GRB2: variants seen among roughly 807,000 people sequenced by gnomAD.
GRB2 encodes the protein growth factor receptor-bound protein 2.
A neutral mutation model predicts 27.4 loss-of-function variants in GRB2; 2 were observed. The ratio of observed to expected loss-of-function variants is 0.07; its 90% CI spans 0.03 to 0.23. GRB2 has a LOEUF of 0.23. GRB2 is among the 10% of genes least tolerant of loss of function. The pLI is 1.00. For synonymous variants in GRB2, 94 were observed against 99.6 expected (o/e 0.94, Z 0.33); for missense variants, 102 against 282.4 (o/e 0.36, Z 4.58).
At chr17:75,384,584 C>T (rs1441483387) in intron 2 of GRB2, among the ~76,000 whole-genome samples, 2 of 152,066 alleles carry the variant, frequency 1.3e-5, no homozygotes, top group East Asian at 1.9e-4. Context: ...GCAGGAGAAT[C>T]GCTTGAACCC....
At chr17:75,393,928 T>A in intron 1 of GRB2, 163 bp from the exon 2 acceptor site, 1 of 457,866 alleles carries the variant, frequency 2.2e-6, no homozygotes, top group Non-Finnish European at 3.9e-6. Flanking sequence ...CTTCTTCCTC[T>A]TTTCAGCCTC....
chr17:75,378,345 C>T (rs149233358), intron 2 of GRB2, among the ~76,000 whole-genome samples: 2,243 of 152,014 alleles, frequency 0.015, 25 homozygotes, highest in Middle Eastern at 0.024. Flanking sequence ...ATCTCGCCAC[C>T]GCATTTCAGC....
chr17:75,372,840 A>G (rs1206131579), intron 2 of GRB2: 3 of 152,252 alleles, frequency 2.0e-5, no homozygotes, highest in Non-Finnish European at 4.4e-5. Context: ...AACTTAAAAC[A>G]CTATCAATAC....
At chr17:75,333,353 G>C (rs2078554092) in intron 2 of GRB2, among the ~76,000 whole-genome samples, 1 of 152,152 alleles carries the variant, frequency 6.6e-6, no homozygotes, top group African/African-American at 2.4e-5. Context: ...TGGGATTATA[G>C]GTGTGAGCCA....
intron 2 of GRB2, among the ~76,000 whole-genome samples, chr17:75,355,073 G>A (rs2078722833): frequency 6.6e-6 from 1 of 152,186 alleles, no homozygotes; most frequent in Admixed American, 6.5e-5. Flanking sequence ...CTCCCAAAGT[G>A]CTGGGATTAC....
chr17:75,401,976 A>G (rs2079066961), intron 1 of GRB2, among the ~76,000 whole-genome samples: 1 of 152,238 alleles, frequency 6.6e-6, no homozygotes, highest in African/African-American at 2.4e-5. Context: ...CCATCTGCAT[A>G]GGCAGATATC....
chr17:75,367,219 A>G (rs1446353539), intron 2 of GRB2, among the ~76,000 whole-genome samples: 3 of 152,082 alleles, frequency 2.0e-5, no homozygotes, highest in African/African-American at 7.2e-5. Context: ...CACCCAGGCT[A>G]AAGTGCTGTA....
At chr17:75,351,912 G>A (rs1034094673) in intron 2 of GRB2, among the ~76,000 whole-genome samples, 8 of 152,076 alleles carry the variant, frequency 5.3e-5, no homozygotes, top group Admixed American at 2.0e-4. Flanking sequence ...CACTTATCAC[G>A]TATAGTTACT....
At chr17:75,333,817 T>C (rs957595490) in intron 2 of GRB2, among the ~76,000 whole-genome samples, 1 of 152,200 alleles carries the variant, frequency 6.6e-6, no homozygotes, top group Non-Finnish European at 1.5e-5. Context: ...GGCAGATGCC[T>C]TGGAAATCCT....
At chr17:75,376,344 CAA>C (rs71159502) in intron 2 of GRB2, among the ~76,000 whole-genome samples, 24 of 74,480 alleles carry the variant, frequency 3.2e-4, no homozygotes, top group African/African-American at 4.3e-4. Context: ...GACTCTGTCT[CAA>C]AAAAAAAAAA....
chr17:75,380,233 G>C (rs1343136374), intron 2 of GRB2, among the ~76,000 whole-genome samples: 1 of 151,516 alleles, frequency 6.6e-6, no homozygotes, highest in Non-Finnish European at 1.5e-5. Flanking sequence ...TTCCTTATTA[G>C]ACAGCAAGAC....
chr17:75,404,558 G>A (rs1381189589), intron 1 of GRB2, among the ~76,000 whole-genome samples: 1 of 146,874 alleles, frequency 6.8e-6, no homozygotes, highest in Non-Finnish European at 1.5e-5. Context: ...GGGGTGGGGG[G>A]AGGAAGGGGC....
chr17:75,404,658 G>T lies in GRB2; in HGVS notation c.-138+831C>A, dbSNP rs1377935149. Among the ~76,000 whole-genome samples, 4 of 152,042 alleles carry T rather than the reference G, an allele frequency of 2.6e-5. 1 individual carries two copies. In the East Asian group the frequency reaches 7.7e-4, roughly 29 times the overall value. On this transcript the variant is annotated intron_variant, in intron 1 of 5. Transcript: ENST00000316804. ...GAAGGAAATAACTGGAGAAAGAGGA[G>T]TAAGAAAGCCAAAATAGACTAATGC...
chr17:75,399,878 G>A (rs1053426483), intron 1 of GRB2, among the ~76,000 whole-genome samples: 2 of 151,018 alleles, frequency 1.3e-5, no homozygotes, highest in Non-Finnish European at 2.9e-5. Flanking sequence ...CACCATGTTA[G>A]CCAGGATGGT....
intron 1 of GRB2, among the ~76,000 whole-genome samples, chr17:75,396,984 A>C (rs1443588833): frequency 6.6e-6 from 1 of 152,192 alleles, no homozygotes; most frequent in East Asian, 1.9e-4. Flanking sequence ...GCAGTACAAA[A>C]ACCAAGACAG....
At chr17:75,405,125 A>C (rs538899019) in intron 1 of GRB2, 1 of 152,306 alleles carries the variant, frequency 6.6e-6, no homozygotes, top group South Asian at 2.1e-4. Flanking sequence ...GCTGCAGCCC[A>C]CACCAGTCCC....
Position 75,320,620 on chromosome 17 carries a change from A to G in GRB2, c.469-67T>C, listed in dbSNP as rs2145816245. 1 of 1,273,474 alleles carries G rather than the reference A, an allele frequency of 7.9e-7. No homozygotes were observed. The highest frequency in any genetic ancestry group is 1.5e-5 in the African/African-American group (1 of 68,136). 78.9% of individuals were successfully genotyped at this position (1,273,474 alleles called of 1,614,324 possible). On this transcript the variant is annotated intron_variant, in intron 5 of 5. Coordinates refer to ENST00000316804, the MANE Select transcript of GRB2 (RefSeq NM_002086.5). This position sits in a 1 kb window ranked among gnomAD's most constrained non-coding sequence, Gnocchi z 4.3. ...TCTGTGACTGGCCACCTCCGAGGCC[A>G]GATGGGTTCCAGGGGGAAACGAATG... is the stretch of plus-strand genomic sequence containing the variant.
intron 2 of GRB2, among the ~76,000 whole-genome samples, chr17:75,392,640 GA>G (rs1287209101): frequency 6.6e-6 from 1 of 152,104 alleles, no homozygotes; most frequent in East Asian, 1.9e-4. Flanking sequence ...GGCTCAGAAG[GA>G]AAAATGTCAA....
chr17:75,337,715 C>G (rs944280106), intron 2 of GRB2, among the ~76,000 whole-genome samples: 1 of 150,356 alleles, frequency 6.7e-6, no homozygotes, highest in African/African-American at 2.4e-5. Flanking sequence ...GGACTACAGG[C>G]GTCTGCAACC....
Sources: gnomAD v4.1 joint callset for allele counts (sites outside exome capture counted in the v4.1 genomes callset) on GRCh38, gnomAD v4.1.1 for gene constraint, Gnocchi (gnomAD v3.1) non-coding constraint, MANE v1.5 for transcripts, NCBI Gene and HGNC (gene_info 2026-07-23, HGNC 2026-07-21) for gene names.